Variants in ATRNL1 observed in about 807,000 individuals in gnomAD.
ATRNL1 encodes attractin-like protein 1.
ATRNL1 carries 95 observed loss-of-function variants against 182.7 expected under a neutral mutation model. That is an observed-to-expected ratio of 0.52 (90% CI 0.44 to 0.62). The LOEUF (loss-of-function observed/expected upper bound fraction) is 0.62, where lower values mean the gene tolerates loss of function less well. Among genes scored for constraint, ATRNL1 ranks in the 20% least tolerant of loss-of-function variants. The pLI, the probability that ATRNL1 is intolerant of heterozygous loss-of-function variation, is 0.00. For synonymous variants in ATRNL1, 576 were observed against 568.3 expected (o/e 1.01, Z -0.19); for missense variants, 1,471 against 1,679.5 (o/e 0.88, Z 2.17).
chr10:115,550,849 A>G lies in ATRNL1; in HGVS notation c.3795+1313A>G, dbSNP rs191997869. ...CCCTAATGGAATAAGGCAAGTGACA[A>G]TTTATGTCCTTAATCATTAGAAGAG... On this transcript the variant is annotated intron_variant, in intron 26 of 28. Coordinates refer to ENST00000355044, the MANE Select transcript of ATRNL1 (RefSeq NM_207303.4). Among the ~76,000 whole-genome samples, 766 of 151,874 alleles carry G rather than the reference A, an allele frequency of 5.0e-3. 7 individuals are homozygous for G. Among genetic ancestry groups the G allele is most frequent in the African/African-American group, 0.017 (727 of 41,544 alleles).
chr10:115,253,274 G>A (rs1395345320), intron 10 of ATRNL1, among the ~76,000 whole-genome samples: 3 of 152,082 alleles, frequency 2.0e-5, no homozygotes, highest in African/African-American at 7.2e-5. Flanking sequence ...CAAAATAATT[G>A]GTCATACTTC....
At chr10:115,437,412 C>A (rs542983135) in intron 21 of ATRNL1, among the ~76,000 whole-genome samples, 6 of 151,798 alleles carry the variant, frequency 4.0e-5, no homozygotes, top group Non-Finnish European at 7.4e-5. Flanking sequence ...AGCTTAGTGG[C>A]GGCAATAGAG....
chr10:115,915,750 T>C (rs1449510547), intron 28 of ATRNL1, among the ~76,000 whole-genome samples: 1 of 152,166 alleles, frequency 6.6e-6, no homozygotes, highest in Non-Finnish European at 1.5e-5. Context: ...GAGGTAGATT[T>C]TGAGCTAAGA....
At chr10:115,530,940 C>A (rs1292643266) in intron 25 of ATRNL1, among the ~76,000 whole-genome samples, 1 of 151,876 alleles carries the variant, frequency 6.6e-6, no homozygotes, top group Non-Finnish European at 1.5e-5. Context: ...CATCCATGTC[C>A]CTACAAAGGG....
chr10:115,594,803 C>T (rs1458449828), intron 26 of ATRNL1, among the ~76,000 whole-genome samples: 2 of 152,164 alleles, frequency 1.3e-5, no homozygotes, highest in Non-Finnish European at 2.9e-5. Flanking sequence ...CCATGCCAGG[C>T]CAGTAACATT....
intron 27 of ATRNL1, among the ~76,000 whole-genome samples, chr10:115,768,424 A>C (rs1948910616): frequency 6.6e-6 from 1 of 152,114 alleles, no homozygotes; most frequent in Admixed American, 6.6e-5. Context: ...TTAAGACAGG[A>C]TATCAAGGCC....
intron 18 of ATRNL1, among the ~76,000 whole-genome samples, chr10:115,318,098 A>C (rs1554930254): frequency 4.6e-5 from 7 of 152,186 alleles, no homozygotes; most frequent in Non-Finnish European, 7.3e-5. Context: ...AGTTTTTAAC[A>C]TGAAAGGATT....
At chr10:115,367,983 G>T (rs1264272961) in intron 19 of ATRNL1, among the ~76,000 whole-genome samples, 50 of 152,138 alleles carry the variant, frequency 3.3e-4, no homozygotes, top group Non-Finnish European at 5.6e-4. Context: ...GTTTGTCTGT[G>T]CCCTGCCCCC....
chr10:115,299,986 T>G, intron 15 of ATRNL1, 48 bp from the exon 16 acceptor site: 1 of 1,416,892 alleles, frequency 7.1e-7, no homozygotes, highest in Non-Finnish European at 9.9e-7. Context: ...ATATGCCATA[T>G]TTTTACATCT....
intron 18 of ATRNL1, among the ~76,000 whole-genome samples, chr10:115,325,318 T>G (rs1291321997): frequency 1.3e-5 from 2 of 152,190 alleles, no homozygotes; most frequent in African/African-American, 4.8e-5. Context: ...AACACTCTTA[T>G]GTGCAAGCTG....
intron 5 of ATRNL1, among the ~76,000 whole-genome samples, chr10:115,137,645 C>T (rs1592151942): frequency 6.6e-6 from 1 of 152,162 alleles, no homozygotes. Flanking sequence ...GTCTTATTTG[C>T]TATCATGAGA....
At chr10:115,601,910 T>A (rs1258363526) in intron 26 of ATRNL1, among the ~76,000 whole-genome samples, 1 of 152,178 alleles carries the variant, frequency 6.6e-6, no homozygotes, top group Non-Finnish European at 1.5e-5. Flanking sequence ...TTCCTCTATA[T>A]TTTCATTGTT....
At chr10:115,628,215 C>T (rs192706336) in intron 26 of ATRNL1, among the ~76,000 whole-genome samples, 31 of 151,746 alleles carry the variant, frequency 2.0e-4, no homozygotes, top group South Asian at 2.1e-4. Flanking sequence ...GCGATGTATG[C>T]GAGTTTCAGT....
At chr10:115,114,741 C>T (rs926223906) in intron 1 of ATRNL1, among the ~76,000 whole-genome samples, 7 of 151,740 alleles carry the variant, frequency 4.6e-5, no homozygotes, top group East Asian at 3.9e-4. Flanking sequence ...TGAAAGATAA[C>T]GTGTTGGTGA....
At chr10:115,166,030 C>T (rs141053608) in intron 7 of ATRNL1, among the ~76,000 whole-genome samples, 47 of 152,160 alleles carry the variant, frequency 3.1e-4, no homozygotes, top group Non-Finnish European at 5.4e-4. Context: ...CATTTTTCAT[C>T]GGGCAAAACT....
chr10:115,413,165 ATTTG>A (rs1478284428), intron 20 of ATRNL1, among the ~76,000 whole-genome samples: 5 of 152,132 alleles, frequency 3.3e-5, no homozygotes, highest in African/African-American at 2.4e-5. Flanking sequence ...TATTTTATAC[ATTTG>A]TTTGGGATTT....
chr10:115,676,640 A>G (rs1945870856), intron 26 of ATRNL1, among the ~76,000 whole-genome samples: 1 of 151,998 alleles, frequency 6.6e-6, no homozygotes, highest in African/African-American at 2.4e-5. Flanking sequence ...ACAATTCTGA[A>G]CTTTCTAACA....
At chr10:115,842,795 G>T (rs1358979992) in intron 27 of ATRNL1, among the ~76,000 whole-genome samples, 1 of 151,966 alleles carries the variant, frequency 6.6e-6, no homozygotes, top group Non-Finnish European at 1.5e-5. Flanking sequence ...TCCTGGATCT[G>T]CCCCTCACTA....
intron 27 of ATRNL1, among the ~76,000 whole-genome samples, chr10:115,791,556 C>T (rs1323611275): frequency 6.6e-6 from 1 of 152,090 alleles, no homozygotes; most frequent in African/African-American, 2.4e-5. Flanking sequence ...ATAATACAGA[C>T]TTTAGTCATT....
Sources: allele counts gnomAD v4.1 joint callset (sites outside exome capture counted in the v4.1 genomes callset), GRCh38; gene constraint gnomAD v4.1.1; transcripts MANE v1.5; gene names NCBI Gene and HGNC (gene_info 2026-07-23, HGNC 2026-07-21).